NELL2: variants seen among roughly 807,000 people sequenced by gnomAD.
The protein encoded by NELL2 is neural EGFL like 2.
NELL2 carries 41 observed loss-of-function variants against 109.6 expected under a neutral mutation model. The observed-to-expected ratio is 0.37, with a 90% CI of 0.29 to 0.49. The LOEUF (loss-of-function observed/expected upper bound fraction) is 0.49, where lower values mean the gene tolerates loss of function less well. Ranked by LOEUF, NELL2 falls within the 20% of genes least tolerant of loss-of-function variation. The pLI, the probability that NELL2 is intolerant of heterozygous loss-of-function variation, is 0.98. For missense variants in NELL2, 900 were observed against 1,008.3 expected (o/e 0.89, Z 1.45); for synonymous variants, 355 against 344.7 (o/e 1.03, Z -0.33).
chr12:44,779,614 T>A (rs1405191290), intron 5 of NELL2, 49 bp downstream of exon 5: 1 of 1,421,490 alleles, frequency 7.0e-7, no homozygotes, highest in Admixed American at 1.8e-5. Flanking sequence ...TTTTTGAAAC[T>A]CATTAGAAAG....
chr12:44,634,103 T>C (rs931494079), intron 13 of NELL2, among the ~76,000 whole-genome samples: 28 of 152,242 alleles, frequency 1.8e-4, no homozygotes, highest in African/African-American at 6.3e-4. Context: ...AACCTGAAAA[T>C]TGTAAAGGAT....
intron 12 of NELL2, among the ~76,000 whole-genome samples, chr12:44,687,240 G>A (rs2136387311): frequency 6.7e-6 from 1 of 149,526 alleles, no homozygotes; most frequent in African/African-American, 2.4e-5. Flanking sequence ...TCCCGAGTGA[G>A]GCAATGCCGC....
intron 16 of NELL2, among the ~76,000 whole-genome samples, chr12:44,524,321 C>A (rs1328750397): frequency 6.6e-6 from 1 of 152,046 alleles, no homozygotes; most frequent in East Asian, 1.9e-4. Context: ...TTTTATTTAC[C>A]CCCGTAATTT....
intron 19 of NELL2, among the ~76,000 whole-genome samples, chr12:44,517,902 A>G (rs1941346715): frequency 6.6e-6 from 1 of 152,166 alleles, no homozygotes; most frequent in East Asian, 1.9e-4. Flanking sequence ...TAATAAATAA[A>G]ATAGTGCTTT....
intron 9 of NELL2, among the ~76,000 whole-genome samples, chr12:44,730,587 G>T (rs1380729325): frequency 6.6e-6 from 1 of 151,732 alleles, no homozygotes; most frequent in East Asian, 1.9e-4. Context: ...TTGAGACAAA[G>T]AAAATAAAAA....
At chr12:44,836,127 G>A (rs1944047024) in intron 2 of NELL2, among the ~76,000 whole-genome samples, 1 of 152,186 alleles carries the variant, frequency 6.6e-6, no homozygotes, top group South Asian at 2.1e-4. Context: ...GAATTGCAAG[G>A]CTGAGAGGAA....
intron 9 of NELL2, among the ~76,000 whole-genome samples, chr12:44,724,934 A>G (rs1325560781): frequency 1.3e-5 from 2 of 152,172 alleles, no homozygotes. Flanking sequence ...GACCAATGGA[A>G]CAGAATACAG....
At chr12:44,878,114 A>G (rs1945369144), upstream of NELL2, among the ~76,000 whole-genome samples, 1 of 152,074 alleles carries the variant, frequency 6.6e-6, no homozygotes, top group Non-Finnish European at 1.5e-5. Context: ...CTCCTAACCA[A>G]CCTGTGTTCA....
At chr12:44,598,244 T>G (rs1235780261) in intron 15 of NELL2, among the ~76,000 whole-genome samples, 1 of 152,064 alleles carries the variant, frequency 6.6e-6, no homozygotes, top group Admixed American at 6.6e-5. Context: ...TGTAAGGTTT[T>G]TTTTTTGTAC....
At chr12:44,808,708 C>A (rs756678603) in intron 3 of NELL2, among the ~76,000 whole-genome samples, 1 of 151,788 alleles carries the variant, frequency 6.6e-6, no homozygotes, top group Admixed American at 6.6e-5. Flanking sequence ...TTAAGCCAAG[C>A]AAATATTGCC....
chr12:44,816,299 C>CTA (rs2136685818), intron 2 of NELL2, among the ~76,000 whole-genome samples, 163 bp from the exon 3 acceptor site: 1 of 152,232 alleles, frequency 6.6e-6, no homozygotes, highest in African/African-American at 2.4e-5. Flanking sequence ...AGACTTTATG[C>CTA]TATATATAAT....
chr12:44,865,826 T>TAAAAG (rs1944982971), intron 2 of NELL2, among the ~76,000 whole-genome samples: 1 of 142,486 alleles, frequency 7.0e-6, no homozygotes, highest in Non-Finnish European at 1.5e-5. Flanking sequence ...AAAAAAAAAT[T>TAAAAG]AAAAAAAAAA....
In NELL2 at chr12:44,610,896, T is replaced by G; in HGVS notation, c.1519A>C (p.Asn507His). The change falls in exon 14 of 20, where the codon AAC (asparagine) becomes CAC (histidine). Residue 507 changes from asparagine to histidine, a missense_variant. Physicochemically the swap from Asn to His is moderately conservative, Grantham distance 68. Coordinates refer to ENST00000429094, the MANE Select transcript of NELL2 (RefSeq NM_001145108.2). The stretch of plus-strand genomic sequence containing the variant: ...GTATAGCCCGGCTTGCAAACACAGT[T>G]GTGTCCTCCAACAGTGTTGAAGCAT... ...ALCFNTVGGHNCVCKPGYTGN... is the reference protein window; with the variant it reads ...ALCFNTVGGHHCVCKPGYTGN... 1.9e-6 allele frequency: 3 copies of G among 1,613,236 alleles called. No homozygotes were observed. The highest frequency in any genetic ancestry group is 1.1e-5 in the South Asian group (1 of 91,060).
chr12:44,877,347 C>A (rs920224064), upstream of NELL2, among the ~76,000 whole-genome samples: 1 of 152,124 alleles, frequency 6.6e-6, no homozygotes, highest in Non-Finnish European at 1.5e-5. Flanking sequence ...TGTTCAAGAT[C>A]AATGGTACAT....
At chr12:44,867,466 G>T (rs1945033488) in intron 2 of NELL2, among the ~76,000 whole-genome samples, 2 of 152,082 alleles carry the variant, frequency 1.3e-5, no homozygotes, top group African/African-American at 4.8e-5. Context: ...ATGTATAGAA[G>T]AAATGTATCT....
chr12:44,680,404 G>A (rs1566145757), intron 12 of NELL2, among the ~76,000 whole-genome samples: 1 of 152,126 alleles, frequency 6.6e-6, no homozygotes, highest in Non-Finnish European at 1.5e-5. Flanking sequence ...TCCTCTTGAA[G>A]ATATGAACAA....
chr12:44,806,477 C>G (rs369390538), intron 3 of NELL2, among the ~76,000 whole-genome samples: 12 of 151,698 alleles, frequency 7.9e-5, no homozygotes, highest in African/African-American at 2.9e-4. Context: ...AAATATTCAC[C>G]TATATTTGGT....
At chr12:44,906,975 G>A (rs1004363133) in intron 1 of NELL2, among the ~76,000 whole-genome samples, 8 of 152,188 alleles carry the variant, frequency 5.3e-5, no homozygotes, top group Admixed American at 1.3e-4. Context: ...GGAGGGACCC[G>A]GTGGGAGGTA....
intron 13 of NELL2, among the ~76,000 whole-genome samples, chr12:44,652,191 G>A (rs1252793326): frequency 6.6e-6 from 1 of 152,060 alleles, no homozygotes; most frequent in African/African-American, 2.4e-5. Flanking sequence ...TGACAACAAC[G>A]ATACCCCCAA....
Sources: allele counts gnomAD v4.1 joint callset (sites outside exome capture counted in the v4.1 genomes callset), GRCh38; gene constraint gnomAD v4.1.1; transcripts MANE v1.5; gene names NCBI Gene and HGNC (gene_info 2026-07-23, HGNC 2026-07-21).